ATL2: variants seen among roughly 807,000 people sequenced by gnomAD.
ATL2 encodes the protein atlastin-2.
In ATL2, 31 loss-of-function variants were observed where a neutral mutation model predicts 73.9. The observed-to-expected ratio is 0.42, with a 90% CI of 0.32 to 0.57. The LOEUF is 0.57. Ranked by LOEUF, ATL2 falls within the 20% of genes least tolerant of loss-of-function variation. The pLI is 0.14. For synonymous variants in ATL2, 291 were observed against 237.5 expected (o/e 1.23, Z -2.07); for missense variants, 738 against 702.6 (o/e 1.05, Z -0.57).
At chr2:38,348,381 G>A (rs1043581477) in intron 1 of ATL2, among the ~76,000 whole-genome samples, 1 of 151,740 alleles carries the variant, frequency 6.6e-6, no homozygotes, top group African/African-American at 2.4e-5. Context: ...GAGGAGAATT[G>A]CTTGAACCCA....
chr2:38,359,080 G>A (rs182855785), intron 1 of ATL2, among the ~76,000 whole-genome samples: 1 of 152,212 alleles, frequency 6.6e-6, no homozygotes, highest in Admixed American at 6.5e-5. Context: ...TCCAGGAAAC[G>A]ACTTATTAAC....
intron 2 of ATL2, among the ~76,000 whole-genome samples, chr2:38,324,665 A>G (rs1668499815): frequency 6.6e-6 from 1 of 152,238 alleles, no homozygotes; most frequent in Non-Finnish European, 1.5e-5. Context: ...AGCCCAGAAA[A>G]AGGACAACTC....
chr2:38,345,574 T>C (rs1487096712), intron 1 of ATL2, among the ~76,000 whole-genome samples: 2 of 152,200 alleles, frequency 1.3e-5, no homozygotes, highest in East Asian at 3.8e-4. Context: ...AAGCAATCAA[T>C]ATTTAGTTAA....
chr2:38,327,136 C>T (rs1428664982), intron 2 of ATL2, among the ~76,000 whole-genome samples: 1 of 151,788 alleles, frequency 6.6e-6, no homozygotes, highest in African/African-American at 2.4e-5. Context: ...ACTTTCTTAG[C>T]CAAAAACCAA....
intron 2 of ATL2, among the ~76,000 whole-genome samples, chr2:38,321,923 G>A (rs1199555308): frequency 1.3e-5 from 2 of 151,984 alleles, no homozygotes; most frequent in East Asian, 1.9e-4. Flanking sequence ...ACGTTGCCCA[G>A]GCTGATAACA....
intron 1 of ATL2, among the ~76,000 whole-genome samples, chr2:38,348,380 T>C (rs1029667099): frequency 2.0e-5 from 3 of 151,642 alleles, no homozygotes; most frequent in Non-Finnish European, 4.4e-5. Context: ...GGAGGAGAAT[T>C]GCTTGAACCC....
intron 12 of ATL2, chr2:38,296,612 T>C: frequency 6.2e-7 from 1 of 1,612,478 alleles, no homozygotes; most frequent in South Asian, 1.1e-5. Flanking sequence ...AGTGATTTGT[T>C]AGGAGAATGA....
chr2:38,369,422 G>A (rs1320233742), intron 1 of ATL2, among the ~76,000 whole-genome samples: 3 of 151,946 alleles, frequency 2.0e-5, no homozygotes, highest in Non-Finnish European at 4.4e-5. Context: ...CAGCCTGGGC[G>A]ACAGAGTAAG....
chr2:38,378,450 G>A (rs948946673), upstream of ATL2, among the ~76,000 whole-genome samples: 4 of 152,166 alleles, frequency 2.6e-5, no homozygotes, highest in Non-Finnish European at 5.9e-5. Flanking sequence ...TCTTGGCCAG[G>A]CTGGTCTTGA....
intron 2 of ATL2, among the ~76,000 whole-genome samples, chr2:38,324,332 C>G (rs961426858): frequency 2.0e-5 from 3 of 152,164 alleles, no homozygotes; most frequent in Non-Finnish European, 4.4e-5. Context: ...TCCCTAGTTG[C>G]ATGACATTCC....
At chr2:38,296,816 C>T in intron 12 of ATL2, 4 of 1,414,788 alleles carry the variant, frequency 2.8e-6, no homozygotes, top group Non-Finnish European at 3.8e-6. Flanking sequence ...ATTTTATACA[C>T]TTTAGATTCT....
At chr2:38,305,130 A>C (rs1453264780) in intron 9 of ATL2, among the ~76,000 whole-genome samples, 1 of 152,254 alleles carries the variant, frequency 6.6e-6, no homozygotes, top group African/African-American at 2.4e-5. Context: ...GAAGGTCATT[A>C]TATAATGATA....
At chr2:38,324,979 G>A (rs1416947144) in intron 2 of ATL2, among the ~76,000 whole-genome samples, 1 of 152,204 alleles carries the variant, frequency 6.6e-6, no homozygotes, top group African/African-American at 2.4e-5. Flanking sequence ...ACACAACAAT[G>A]TGAACAGACT....
At chr2:38,355,503 T>C (rs1474306915) in intron 1 of ATL2, among the ~76,000 whole-genome samples, 1 of 152,144 alleles carries the variant, frequency 6.6e-6, no homozygotes, top group Non-Finnish European at 1.5e-5. Flanking sequence ...AGGTATACTA[T>C]ACAGACATTA....
intron 1 of ATL2, chr2:38,354,055 G>A (rs1670514839): frequency 3.3e-6 from 1 of 303,500 alleles, no homozygotes; most frequent in African/African-American, 2.4e-5. Context: ...TAGCCGGCGT[G>A]GTGGCACGCA....
chr2:38,376,400 C>T, intron 1 of ATL2: 1 of 480,920 alleles, frequency 2.1e-6, no homozygotes, highest in South Asian at 5.2e-5. Context: ...ACACTACAGA[C>T]ACTTTCAGAG....
At chr2:38,377,368 G>C (rs1181904628), upstream of ATL2, 9 of 844,698 alleles carry the variant, frequency 1.1e-5, no homozygotes, top group African/African-American at 2.0e-5. Flanking sequence ...GCCGCTCTCC[G>C]CCTGTATCTC....
intron 9 of ATL2, among the ~76,000 whole-genome samples, chr2:38,306,884 A>C (rs1667475301): frequency 6.6e-6 from 1 of 152,214 alleles, no homozygotes; most frequent in African/African-American, 2.4e-5. Context: ...ACAGTACTGG[A>C]AGTTGTACTT....
chr2:38,377,375 T>C (rs1029546135), upstream of ATL2: 5 of 786,378 alleles, frequency 6.4e-6, no homozygotes, highest in African/African-American at 4.1e-5. Context: ...TCCGCCTGTA[T>C]CTCCTCGCCC....
Sources: gnomAD v4.1 joint callset for allele counts (sites outside exome capture counted in the v4.1 genomes callset) on GRCh38, gnomAD v4.1.1 for gene constraint, MANE v1.5 for transcripts, NCBI Gene and HGNC (gene_info 2026-07-23, HGNC 2026-07-21) for gene names.